The following ZNF207 variants were observed in gnomAD, a reference collection of about 807,000 sequenced individuals.
ZNF207 encodes BUB3-interacting and GLEBS motif-containing protein ZNF207.
A neutral mutation model predicts 60.2 loss-of-function variants in ZNF207; 24 were observed. The ratio of observed to expected loss-of-function variants is 0.40; its 90% confidence interval spans 0.29 to 0.56. The LOEUF (loss-of-function observed/expected upper bound fraction) is 0.56, where lower values mean the gene tolerates loss of function less well. Ranked by LOEUF, ZNF207 falls within the 20% of genes least tolerant of loss-of-function variation. The pLI is 0.49. For synonymous variants in ZNF207, 236 were observed against 194.7 expected, an observed-to-expected ratio of 1.21 and a Z score of -1.77; for missense variants, 452 against 636.6, an observed-to-expected ratio of 0.71 and a Z score of 3.12.
chr17:32,357,250 CT>C (rs1293699963), intron 2 of ZNF207, among the ~76,000 whole-genome samples: 3 of 149,560 alleles, frequency 2.0e-5, no homozygotes, highest in Admixed American at 1.3e-4. Context: ...GCAAATGTAA[CT>C]TTTCTAGTTT....
rs149887633 is a variant in ZNF207 at position 32,369,741 on chromosome 17, G to T, written c.1467G>T (p.Ser489=). 4 of 1,548,386 alleles carry T rather than the reference G, an allele frequency of 2.6e-6. No homozygotes were observed. Among genetic ancestry groups the T allele is most frequent in the African/African-American group, 1.4e-5 (1 of 72,530 alleles). Residue 489 remains serine (S), a synonymous_variant, in exon 12 of 12, where the codon TCG becomes TCT. Transcript: ENST00000394670. The stretch of plus-strand genomic sequence containing the variant: ...TGGGAATGAGACCTCCTGTAATGTC[G>T]CAAGGTGGCCGTTACTGATCTTACT... ...PPMGMRPPVM[S]QGGRY is the part of the protein sequence containing the mutation.
chr17:32,364,948 A>C (rs187263124), intron 7 of ZNF207, among the ~76,000 whole-genome samples: 1 of 152,228 alleles, frequency 6.6e-6, no homozygotes, highest in Admixed American at 6.5e-5. Context: ...TTTATTGTTC[A>C]TGATATTTGA....
Position 32,373,132 on chromosome 17 carries a change from A to G in ZNF207, c.*3373A>G. 1 of 332,240 alleles carries G rather than the reference A, an allele frequency of 3.0e-6. No individual in the cohort carries two copies. Among genetic ancestry groups the G allele is most frequent in the Non-Finnish European group, 5.4e-6 (1 of 183,718 alleles). 20.6% of individuals were successfully genotyped at this position (332,240 alleles called of 1,614,324 possible). On this transcript the variant is annotated 3_prime_UTR_variant, in exon 12 of 12. Coordinates refer to ENST00000394670, the MANE Select transcript of ZNF207 (RefSeq NM_001098507.2). ...CACACATTTGCCATTAGGTATGAATAAAATATTCCTACTGTACTCCTATTC... is the reference window on the plus strand; with the variant it reads ...CACACATTTGCCATTAGGTATGAATGAAATATTCCTACTGTACTCCTATTC...
intron 2 of ZNF207, among the ~76,000 whole-genome samples, chr17:32,357,925 A>G (rs1416048106): frequency 1.3e-5 from 2 of 151,970 alleles, no homozygotes; most frequent in Non-Finnish European, 2.9e-5. Context: ...GATTACAGGC[A>G]GACCCCACCA....
intron 6 of ZNF207, among the ~76,000 whole-genome samples, chr17:32,362,187 A>C (rs1396619578): frequency 6.7e-6 from 1 of 150,000 alleles, no homozygotes; most frequent in Non-Finnish European, 1.5e-5. Flanking sequence ...AGGGTCTCTT[A>C]CTCTGTCGCC....
intron 7 of ZNF207, among the ~76,000 whole-genome samples, chr17:32,364,575 G>A (rs190817019): frequency 2.0e-5 from 3 of 151,722 alleles, no homozygotes; most frequent in Admixed American, 2.0e-4. Flanking sequence ...GGTCAGGCTG[G>A]TCTCGAACTC....
At position 32,378,244 on chromosome 17, in the gene ZNF207, T is replaced by C. The variant is rs764080767; in HGVS notation, c.*8485T>C. 1 of 152,004 alleles carries C rather than the reference T, an allele frequency of 6.6e-6. No individual in the cohort carries two copies. Among genetic ancestry groups the C allele is most frequent in the Non-Finnish European group, 1.5e-5 (1 of 67,896 alleles). 9.4% of individuals were successfully genotyped at this position (152,004 alleles called of 1,614,324 possible). ...CATTGTACATAAAAGGAAAAGACAG[T>C]TTCAGTTGGCTATGCCCTTGTTGAT... On this transcript the variant is annotated 3_prime_UTR_variant, in exon 12 of 12. Transcript: ENST00000394670.
intron 2 of ZNF207, 107 bp downstream of exon 2, chr17:32,352,019 G>A (rs1426710603): frequency 3.6e-6 from 4 of 1,114,668 alleles, no homozygotes; most frequent in Non-Finnish European, 4.9e-6. Context: ...CCAAGCTGGA[G>A]TGCAGTGGTG....
At chr17:32,362,564 CTG>C (rs1330813754) in intron 6 of ZNF207, among the ~76,000 whole-genome samples, 7 of 152,192 alleles carry the variant, frequency 4.6e-5, no homozygotes, top group Non-Finnish European at 8.8e-5. Flanking sequence ...CTTTAATACT[CTG>C]TGGATATTTT....
rs371039583 is a variant in ZNF207 at position 32,367,376 on chromosome 17, GTTTTT to G, written c.922-390_922-386del. ...AACGAGTTTAAACTCATATTCTGTA[GTTTTT>G]TTTTTAGCTGTTTGATAGATTAATA... On this transcript the variant is annotated intron_variant, in intron 9 of 11. Coordinates refer to ENST00000394670, the MANE Select transcript of ZNF207 (RefSeq NM_001098507.2). 6.1e-3 allele frequency among the ~76,000 whole-genome samples: 857 copies of G among 139,484 alleles called. 8 individuals are homozygous for G. Among genetic ancestry groups the G allele is most frequent in the African/African-American group, 0.019 (735 of 38,280 alleles). The allele number at this position is 139,484 out of a possible 152,430, so 91.5% of individuals were successfully genotyped here.
At chr17:32,369,272 C>T in intron 10 of ZNF207, 23 bp from the exon 11 acceptor site, 1 of 1,610,956 alleles carries the variant, frequency 6.2e-7, no homozygotes, top group Non-Finnish European at 8.5e-7. Flanking sequence ...AGTATTTAGC[C>T]CTGCGCTTAT....
chr17:32,363,010 A>T (rs1461072859), intron 7 of ZNF207, 26 bp downstream of exon 7: 1 of 1,600,204 alleles, frequency 6.2e-7, no homozygotes, highest in Non-Finnish European at 8.6e-7. Flanking sequence ...TTTCATTTTA[A>T]TATGATGTAC....
Position 32,362,943 on chromosome 17 carries a change from C to T in ZNF207, c.629C>T (p.Pro210Leu). The change falls in exon 7 of 12, where the codon CCT becomes CTT. Residue 210 changes from proline to leucine, a missense_variant. Physicochemically the swap from Pro to Leu is moderately conservative, Grantham distance 98. This residue lies in a region of ZNF207 where 390 missense variants were observed against 461.4 expected (regional missense o/e 0.85). Coordinates refer to ENST00000394670, the MANE Select transcript of ZNF207 (RefSeq NM_001098507.2). The part of the protein sequence containing the change: ...IMMPMGGMMP[P>L]GPGIPPLMPG... ...ATGCCAATGGGTGGAATGATGCCAC[C>T]TGGACCAGGAATACCACCTCTGATG... 1 of 1,613,292 alleles carries T rather than the reference C, an allele frequency of 6.2e-7. No individual in the cohort carries two copies. The highest frequency in any genetic ancestry group is 8.5e-7 in the Non-Finnish European group (1 of 1,179,974).
rs1410031664 is a variant in ZNF207 at position 32,373,283 on chromosome 17, G to A, written c.*3524G>A. ...GTAGTGGACAATAGTTAAAAACAAAGCTGCTCCTTTTGCTTGCTTGATCAT... is the reference window on the plus strand; with the variant it reads ...GTAGTGGACAATAGTTAAAAACAAAACTGCTCCTTTTGCTTGCTTGATCAT... On this transcript the variant is annotated 3_prime_UTR_variant, in exon 12 of 12. Transcript: ENST00000394670. 9.1e-6 allele frequency: 5 copies of A among 547,394 alleles called. No individual in the cohort carries two copies. The highest frequency in any genetic ancestry group is 5.7e-5 in the African/African-American group (3 of 52,932). The allele number at this position is 547,394 out of a possible 1,614,324, so 33.9% of individuals were successfully genotyped here.
At chr17:32,350,435 G>C in intron 1 of ZNF207, 109 bp downstream of exon 1, 2 of 1,423,298 alleles carry the variant, frequency 1.4e-6, no homozygotes, top group Admixed American at 3.5e-5. Flanking sequence ...GTATTTAGGC[G>C]TCTGCGTGGG....
intron 6 of ZNF207, among the ~76,000 whole-genome samples, chr17:32,362,143 TG>T (rs1904922857): frequency 6.6e-6 from 1 of 151,252 alleles, no homozygotes; most frequent in Non-Finnish European, 1.5e-5. Flanking sequence ...TGTGTGTGTG[TG>T]TGTGTGTGTG....
rs998602149 is a variant in ZNF207 at position 32,381,108 on chromosome 17, C to T, written c.*11349C>T. 8 of 152,146 alleles carry T rather than the reference C, an allele frequency of 5.3e-5. No homozygotes were observed. The highest frequency in any genetic ancestry group is 1.9e-4 in the African/African-American group (8 of 41,420). 9.4% of individuals were successfully genotyped at this position (152,146 alleles called of 1,614,324 possible). A position where few individuals can be genotyped will look rare whatever the true frequency, so the allele number is the denominator to read the frequency against. On this transcript the variant is annotated 3_prime_UTR_variant, in exon 12 of 12. Transcript: ENST00000394670. Reference sequence around the variant, plus strand: ...ATTGATTATTTCTGAGGAAAAGGTCCATTTATTTCCAAACTAGTCTGTAGT... The same window carrying T: ...ATTGATTATTTCTGAGGAAAAGGTCTATTTATTTCCAAACTAGTCTGTAGT...
At chr17:32,351,440 TAACTG>T (rs1357336993) in intron 1 of ZNF207, 22 of 1,346,424 alleles carry the variant, frequency 1.6e-5, no homozygotes, top group African/African-American at 2.9e-5. Context: ...AGGGATTTCT[TAACTG>T]AACTCTTTCC....
chr17:32,357,611 T>C (rs1904623204), intron 2 of ZNF207, among the ~76,000 whole-genome samples: 1 of 151,524 alleles, frequency 6.6e-6, no homozygotes. Context: ...CCTCCCAAAG[T>C]GCTGGGATTA....
Sources: gnomAD v4.1 joint callset for allele counts (sites outside exome capture counted in the v4.1 genomes callset) on GRCh38, gnomAD v4.1.1 for gene constraint, gnomAD v4.1.1 regional missense constraint, MANE v1.5 for transcripts, NCBI Gene and HGNC (gene_info 2026-07-23, HGNC 2026-07-21) for gene names.